UFL1: variants seen among roughly 807,000 people sequenced by gnomAD.
The protein encoded by UFL1 is UFM1 specific ligase 1.
In UFL1, 78 loss-of-function variants were observed where a neutral mutation model predicts 99.3. The observed-to-expected ratio is 0.79, with a 90% CI of 0.65 to 0.95. The LOEUF (loss-of-function observed/expected upper bound fraction) is 0.95. Among genes scored for constraint, UFL1 ranks in the 40% least tolerant of loss-of-function variants. The pLI is 0.00. For missense variants in UFL1, 936 were observed against 937.0 expected (o/e 1.00, Z 0.01); for synonymous variants, 335 against 322.2 (o/e 1.04, Z -0.42).
chr6:96,549,924 C>T (rs1030587249), intron 15 of UFL1, 125 bp downstream of exon 15: 1 of 1,361,672 alleles, frequency 7.3e-7, no homozygotes, highest in Admixed American at 2.5e-5. Context: ...GGAAAAAAAT[C>T]TAAAAGTTTT....
intron 6 of UFL1, 73 bp from the exon 7 acceptor site, chr6:96,534,190 C>T: frequency 1.1e-6 from 1 of 944,590 alleles, no homozygotes; most frequent in African/African-American, 1.7e-5. Context: ...TTCTAATTAT[C>T]CTATTTTTAA....
intron 6 of UFL1, among the ~76,000 whole-genome samples, chr6:96,532,041 G>T (rs560271014): frequency 3.6e-4 from 55 of 152,194 alleles, no homozygotes; most frequent in Non-Finnish European, 1.5e-4. Context: ...GATATTTCTT[G>T]TTATCATGGA....
At chr6:96,547,275 C>T (rs1246997705) in intron 12 of UFL1, among the ~76,000 whole-genome samples, 2 of 151,698 alleles carry the variant, frequency 1.3e-5, no homozygotes, top group Non-Finnish European at 2.9e-5. Context: ...AATATATCAT[C>T]ATACACCAGT....
In UFL1 at chr6:96,526,369, A is replaced by C; in HGVS notation, c.399A>C (p.Glu133Asp). ...AAGAGGTCAATGATAAATTGCAAGA[A>C]AGTGGTCAGGTCACCATATCAGAAC... The part of the protein sequence containing the change: ...LAEEVNDKLQ[E>D]SGQVTISELC... Residue 133 changes from glutamate (E) to aspartate (D), a missense_variant, in exon 5 of 19, where the codon GAA (glutamate) becomes GAC (aspartate). By Grantham distance (45) the Glu-to-Asp change is conservative. Coordinates refer to ENST00000369278, the MANE Select transcript of UFL1 (RefSeq NM_015323.5). 6.2e-7 allele frequency: 1 copy of C among 1,613,646 alleles called. No homozygotes were observed. Among genetic ancestry groups the C allele is most frequent in the Non-Finnish European group, 8.5e-7 (1 of 1,179,776 alleles).
chr6:96,551,222 T>TGGAGCAGGTGGGA (rs3832390), intron 15 of UFL1, among the ~76,000 whole-genome samples: 23,668 of 151,794 alleles, frequency 0.16, 2,027 homozygotes, highest in Middle Eastern at 0.27. Context: ...CTTACATTGA[T>TGGAGCAGGTGGGA]GGAGCAGGTG....
At chr6:96,546,847 G>A (rs936368383) in intron 12 of UFL1, among the ~76,000 whole-genome samples, 4 of 151,398 alleles carry the variant, frequency 2.6e-5, no homozygotes, top group African/African-American at 9.7e-5. Flanking sequence ...AACTTTAGGT[G>A]GAGTAAATAT....
chr6:96,540,478 T>C (rs540582184), intron 10 of UFL1, 57 bp from the exon 11 acceptor site: 2 of 1,560,642 alleles, frequency 1.3e-6, no homozygotes, highest in East Asian at 4.5e-5. Flanking sequence ...AAACAACTTT[T>C]ATGCTTTTGG....
In UFL1 at chr6:96,523,242, T is replaced by G. The variant is rs1189640105; in HGVS notation, c.174T>G (p.Thr58=). 4 of 1,612,052 alleles carry G rather than the reference T, an allele frequency of 2.5e-6. No homozygotes were observed. Among genetic ancestry groups the G allele is most frequent in the Middle Eastern group, 1.7e-4 (1 of 6,048 alleles). The change falls in exon 2 of 19, where the codon ACT becomes ACG. Residue 58 remains threonine (T), a synonymous_variant. Transcript: ENST00000369278. ...VHTLDGKEYI[T]PAQISKEMRD... Reference sequence around the variant, plus strand: ...CACTCGATGGAAAGGAATATATTACTCCAGCCCAAATTAGTAAAGAAATGA... The same window carrying G: ...CACTCGATGGAAAGGAATATATTACGCCAGCCCAAATTAGTAAAGAAATGA...
intron 11 of UFL1, among the ~76,000 whole-genome samples, chr6:96,542,515 G>A (rs909540370): frequency 1.3e-5 from 2 of 151,282 alleles, no homozygotes; most frequent in East Asian, 3.9e-4. Context: ...TGAGGCTGTG[G>A]TAACACAGAT....
chr6:96,524,282 A>G, intron 2 of UFL1, 100 bp from the exon 3 acceptor site: 1 of 1,051,720 alleles, frequency 9.5e-7, no homozygotes, highest in Non-Finnish European at 1.4e-6. Context: ...TCTCTGTTCT[A>G]TGCAGGACTT....
Position 96,552,479 on chromosome 6 carries a change from T to C in UFL1, c.1986-3T>C, listed in dbSNP as rs772353408. 6.5e-7 allele frequency: 1 copy of C among 1,537,228 alleles called. No homozygotes were observed. The highest frequency in any genetic ancestry group is 1.2e-5 in the South Asian group (1 of 80,632). ...GAATTTGTGTGCTTTTTTTTTTTTT[T>C]AGACAGATACTGTTCCAACATCGAC... On this transcript the variant is annotated splice_polypyrimidine_tract_variant and splice_region_variant and intron_variant, in intron 17 of 18. Coordinates refer to ENST00000369278, the MANE Select transcript of UFL1 (RefSeq NM_015323.5).
intron 1 of UFL1, 184 bp from the exon 2 acceptor site, chr6:96,522,962 C>A: frequency 2.0e-6 from 1 of 491,074 alleles, no homozygotes; most frequent in Non-Finnish European, 3.4e-6. Context: ...ATATGTAAAC[C>A]TACTTACTCT....
At chr6:96,525,250 G>T in intron 3 of UFL1, 47 bp from the exon 4 acceptor site, 1 of 1,401,646 alleles carries the variant, frequency 7.1e-7, no homozygotes, top group South Asian at 1.2e-5. Flanking sequence ...TCAAGCTTAA[G>T]AAACAATACA....
At chr6:96,532,965 TAGTC>T (rs978138589) in intron 6 of UFL1, among the ~76,000 whole-genome samples, 1 of 152,190 alleles carries the variant, frequency 6.6e-6, no homozygotes, top group African/African-American at 2.4e-5. Context: ...AAGTTTTAAA[TAGTC>T]AATTTATTTT....
At position 96,544,405 on chromosome 6, in the gene UFL1, A is replaced by T. The variant is rs974390783; in HGVS notation, c.1402+1389A>T. On this transcript the variant is annotated intron_variant, in intron 12 of 18. Coordinates refer to ENST00000369278, the MANE Select transcript of UFL1 (RefSeq NM_015323.5). ...CCTTATCCCCAGCAAAATGAAAATT[A>T]AAAAAAAAAACTTTAAATGATAATA... Among the ~76,000 whole-genome samples the T allele has an allele frequency of 3.4e-5, 5 of 145,892 alleles. No individual in the cohort carries two copies. In the East Asian group the frequency reaches 7.9e-4, roughly 23 times the overall value.
intron 6 of UFL1, among the ~76,000 whole-genome samples, chr6:96,533,398 A>C (rs1165117147): frequency 6.6e-6 from 1 of 152,116 alleles, no homozygotes; most frequent in South Asian, 2.1e-4. Flanking sequence ...TGGTATATTC[A>C]TACTAGGGAA....
At chr6:96,529,841 GTA>G (rs1198848586) in intron 6 of UFL1, among the ~76,000 whole-genome samples, 2 of 152,156 alleles carry the variant, frequency 1.3e-5, no homozygotes, top group Non-Finnish European at 2.9e-5. Context: ...AGGAGAGCAT[GTA>G]TTCTAATGAA....
In UFL1 at chr6:96,530,181, T is replaced by A. The variant is rs528797790; in HGVS notation, c.596+1549T>A. Among the ~76,000 whole-genome samples, 182 of 152,322 alleles carry A rather than the reference T, an allele frequency of 1.2e-3. 2 individuals are homozygous for A. The highest frequency in any genetic ancestry group is 4.1e-3 in the African/African-American group (172 of 41,574). On this transcript the variant is annotated intron_variant, in intron 6 of 18. Transcript: ENST00000369278. Reference sequence around the variant, plus strand: ...TCACCTTCAATCTGGAATACTTACTTGATTTTTCCTTGACATTCATGACCT... The same window carrying A: ...TCACCTTCAATCTGGAATACTTACTAGATTTTTCCTTGACATTCATGACCT...
In UFL1 at chr6:96,543,009, C is replaced by G. The variant is rs368143231; in HGVS notation, c.1395C>G (p.Ser465=). 1 of 1,589,418 alleles carries G rather than the reference C, an allele frequency of 6.3e-7. No homozygotes were observed. Among genetic ancestry groups the G allele is most frequent in the Non-Finnish European group, 8.6e-7 (1 of 1,168,064 alleles). ...ATAGTGATGATGAATCTCAATCATC[C>G]CACACTGGTAGGTAGCTTTTCTTTA... ...DDDSDDESQS[S]HTGKKKPEIS... is the part of the protein sequence containing the mutation. The change falls in exon 12 of 19, where the codon TCC becomes TCG. Residue 465 remains serine, a synonymous_variant. Coordinates refer to ENST00000369278, the MANE Select transcript of UFL1 (RefSeq NM_015323.5).
Sources: allele counts gnomAD v4.1 joint callset (sites outside exome capture counted in the v4.1 genomes callset), GRCh38; gene constraint gnomAD v4.1.1; transcripts MANE v1.5; gene names NCBI Gene and HGNC (gene_info 2026-07-23, HGNC 2026-07-21).